Variants in MAN1C1 observed in about 807,000 individuals in gnomAD.
MAN1C1 encodes the protein mannosidase alpha class 1C member 1.
Under a neutral mutation model 71.5 loss-of-function variants are expected in MAN1C1, and 49 were observed. The ratio of observed to expected loss-of-function variants is 0.69; its 90% CI spans 0.54 to 0.87. The LOEUF is 0.87. MAN1C1 is among the 40% of genes least tolerant of loss of function. MAN1C1 has a pLI of 0.00. For synonymous variants in MAN1C1, 352 were observed against 343.7 expected (o/e 1.02, Z -0.27); for missense variants, 743 against 835.0 (o/e 0.89, Z 1.36).
chr1:25,710,714 C>A lies in MAN1C1; in HGVS notation c.637+24178C>A, dbSNP rs182543678. On this transcript the variant is annotated intron_variant, in intron 2 of 11. Coordinates refer to ENST00000374332, the MANE Select transcript of MAN1C1 (RefSeq NM_020379.4). ...ATAGGAAATAGCGAGATAGACTTTC[C>A]CTTGTCGTGGCTGCTCAGTGACCTT... 2.0e-3 allele frequency among the ~76,000 whole-genome samples: 307 copies of A among 152,242 alleles called. 3 individuals are homozygous for A. The highest frequency in any genetic ancestry group is 1.6e-3 in the Non-Finnish European group (111 of 68,018).
intron 6 of MAN1C1, chr1:25,760,179 G>A (rs1572201033): frequency 6.6e-6 from 1 of 152,252 alleles, no homozygotes; most frequent in Admixed American, 6.5e-5. Context: ...CACCCGCTAT[G>A]TGCTGGGCAC....
intron 1 of MAN1C1, among the ~76,000 whole-genome samples, chr1:25,676,491 T>C (rs1449275243): frequency 6.6e-6 from 1 of 152,146 alleles, no homozygotes; most frequent in Admixed American, 6.5e-5. Flanking sequence ...CCAACGTGGA[T>C]AGTTTTTAGG....
intron 2 of MAN1C1, among the ~76,000 whole-genome samples, chr1:25,733,944 C>T (rs1291837933): frequency 2.0e-5 from 3 of 151,390 alleles, no homozygotes; most frequent in Admixed American, 6.6e-5. Context: ...GGACTACAGG[C>T]GCCCGCCACC....
At chr1:25,695,621 A>G (rs1251127709) in intron 2 of MAN1C1, among the ~76,000 whole-genome samples, 1 of 152,046 alleles carries the variant, frequency 6.6e-6, no homozygotes, top group Non-Finnish European at 1.5e-5. Flanking sequence ...ACCGCTCCAC[A>G]CTCTGCGCTT....
chr1:25,752,275 G>A (rs2047226503), intron 4 of MAN1C1, among the ~76,000 whole-genome samples: 1 of 152,184 alleles, frequency 6.6e-6, no homozygotes, highest in Non-Finnish European at 1.5e-5. Flanking sequence ...TTGTGCAGAT[G>A]AGGAAACCAA....
chr1:25,742,340 T>C (rs548970415), intron 2 of MAN1C1, among the ~76,000 whole-genome samples: 17 of 152,276 alleles, frequency 1.1e-4, no homozygotes, highest in African/African-American at 4.1e-4. Flanking sequence ...GTCTTGGAGA[T>C]AGGAGGACCC....
intron 2 of MAN1C1, among the ~76,000 whole-genome samples, chr1:25,695,378 GGTCACTGAT>G (rs1188792063): frequency 5.9e-5 from 9 of 152,102 alleles, no homozygotes; most frequent in Admixed American, 2.0e-4. Flanking sequence ...TAGGAGCACT[GGTCACTGAT>G]AGCCAGGCCC....
chr1:25,680,909 G>A (rs995310896), intron 1 of MAN1C1, among the ~76,000 whole-genome samples: 12 of 152,210 alleles, frequency 7.9e-5, no homozygotes, highest in South Asian at 4.1e-4. Context: ...TTGTCATGGC[G>A]ATGATTTATT....
At chr1:25,780,779 C>A in intron 9 of MAN1C1, 161 bp from the exon 10 acceptor site, 2 of 673,858 alleles carry the variant, frequency 3.0e-6, no homozygotes, top group Non-Finnish European at 5.1e-6. Context: ...TGCATCTGCC[C>A]GGTGCAGCCT....
chr1:25,643,251 TTA>T lies in MAN1C1; in HGVS notation c.540+24915_540+24916del, dbSNP rs1397671139. On this transcript the variant is annotated intron_variant, in intron 1 of 11. Coordinates refer to ENST00000374332, the MANE Select transcript of MAN1C1 (RefSeq NM_020379.4). Reference sequence around the variant, plus strand: ...CCCTTTTAATTAATTAATTAATTAATTAATTTATTTACTTACCTTTGAAACAG... The same window carrying T: ...CCCTTTTAATTAATTAATTAATTAATATTTATTTACTTACCTTTGAAACAG... Among the ~76,000 whole-genome samples, 571 of 146,834 alleles carry T rather than the reference TTA, an allele frequency of 3.9e-3. 4 individuals carry two copies. The highest frequency in any genetic ancestry group is 0.012 in the African/African-American group (486 of 39,966).
At chr1:25,765,481 A>T (rs2047415709) in intron 7 of MAN1C1, among the ~76,000 whole-genome samples, 1 of 152,198 alleles carries the variant, frequency 6.6e-6, no homozygotes, top group Non-Finnish European at 1.5e-5. Context: ...TTTTTGTGAC[A>T]TCAGCAAGGG....
chr1:25,780,836 C>T, intron 9 of MAN1C1, 104 bp from the exon 10 acceptor site: 1 of 1,251,922 alleles, frequency 8.0e-7, no homozygotes, highest in East Asian at 2.3e-5. Context: ...ACACACCTGA[C>T]ATCACCCTGG....
chr1:25,673,032 T>C lies in MAN1C1; in HGVS notation c.541-13408T>C, dbSNP rs561370615. The stretch of plus-strand genomic sequence containing the variant: ...CTGGAGACCATTACAGACAGTCAGA[T>C]GACAGCCAGAGGTGAACGGGGAGGG... On this transcript the variant is annotated intron_variant, in intron 1 of 11. Transcript: ENST00000374332. Among the ~76,000 whole-genome samples, 276 of 152,082 alleles carry C rather than the reference T, an allele frequency of 1.8e-3. 1 individual carries two copies. The highest frequency in any genetic ancestry group is 6.3e-3 in the African/African-American group (260 of 41,428).
At chr1:25,644,311 T>G (rs2045579928) in intron 1 of MAN1C1, among the ~76,000 whole-genome samples, 1 of 151,514 alleles carries the variant, frequency 6.6e-6, no homozygotes, top group Admixed American at 6.6e-5. Context: ...CTTGGAAAGG[T>G]CAAGGCTTCT....
At chr1:25,679,558 TAAA>T (rs35048799) in intron 1 of MAN1C1, among the ~76,000 whole-genome samples, 6 of 135,164 alleles carry the variant, frequency 4.4e-5, no homozygotes, top group Admixed American at 7.5e-5. Flanking sequence ...CTAAATGAGT[TAAA>T]AAAAAAAAAA....
chr1:25,723,164 T>C (rs2046789352), intron 2 of MAN1C1, among the ~76,000 whole-genome samples: 1 of 152,204 alleles, frequency 6.6e-6, no homozygotes, highest in Non-Finnish European at 1.5e-5. Flanking sequence ...TCCAAAAATC[T>C]TCACTTACCG....
At position 25,730,345 on chromosome 1, in the gene MAN1C1, G is replaced by A. The variant is rs2046892003; in HGVS notation, c.638-16323G>A. Among the ~76,000 whole-genome samples the A allele has an allele frequency of 6.6e-6, 1 of 152,022 alleles. No homozygotes were observed. Among genetic ancestry groups the A allele is most frequent in the African/African-American group, 2.4e-5 (1 of 41,468 alleles). On this transcript the variant is annotated intron_variant, in intron 2 of 11. Coordinates refer to ENST00000374332, the MANE Select transcript of MAN1C1 (RefSeq NM_020379.4). This position sits in a 1 kb window ranked among gnomAD's most constrained non-coding sequence, Gnocchi z 4.3. ...TTTAATGATTTGAGCTGTGCCTTCT[G>A]TGAATTGACAAAAATGGATTACCAT...
At chr1:25,755,520 C>G (rs2047274361) in intron 5 of MAN1C1, among the ~76,000 whole-genome samples, 1 of 152,214 alleles carries the variant, frequency 6.6e-6, no homozygotes, top group Non-Finnish European at 1.5e-5. Context: ...ATAGACATGT[C>G]TTCACAATTG....
rs192381246 is a variant in MAN1C1 at position 25,635,937 on chromosome 1, A to G, written c.540+17600A>G. Among the ~76,000 whole-genome samples, 8 of 152,324 alleles carry G rather than the reference A, an allele frequency of 5.3e-5. No homozygotes were observed. In the East Asian group the frequency reaches 1.5e-3, roughly 29 times the overall value. On this transcript the variant is annotated intron_variant, in intron 1 of 11. Transcript: ENST00000374332. ...TCAGCTGGCTGAGAAATAAAAGAGT[A>G]CCAAGAGAGGAATTTTACAGCCGGG...
Sources: allele counts gnomAD v4.1 joint callset (sites outside exome capture counted in the v4.1 genomes callset), GRCh38; gene constraint gnomAD v4.1.1; non-coding constraint Gnocchi (gnomAD v3.1); transcripts MANE v1.5; gene names NCBI Gene and HGNC (gene_info 2026-07-23, HGNC 2026-07-21).